The following UBR2 variants were observed in gnomAD, a reference collection of about 807,000 sequenced individuals.
UBR2 encodes the protein E3 ubiquitin-protein ligase UBR2.
UBR2 carries 92 observed loss-of-function variants against 247.9 expected under a neutral mutation model. The ratio of observed to expected loss-of-function variants is 0.37; its 90% confidence interval spans 0.31 to 0.44. The LOEUF is 0.44. Among genes scored for constraint, UBR2 ranks in the 20% least tolerant of loss-of-function variants. The pLI is 1.00. For missense variants in UBR2, 1,613 were observed against 2,112.6 expected, an observed-to-expected ratio of 0.76 and a Z score of 4.64; for synonymous variants, 672 against 693.5, an observed-to-expected ratio of 0.97 and a Z score of 0.49.
At chr6:42,649,070 C>T (rs760603695) in intron 22 of UBR2, among the ~76,000 whole-genome samples, 3 of 152,254 alleles carry the variant, frequency 2.0e-5, no homozygotes, top group Admixed American at 6.5e-5. Context: ...TGCAGTGGCA[C>T]GGTCTTGGCT....
At chr6:42,629,479 C>G (rs1210514499) in intron 11 of UBR2, among the ~76,000 whole-genome samples, 2 of 152,014 alleles carry the variant, frequency 1.3e-5, no homozygotes, top group African/African-American at 2.4e-5. Context: ...CTTGGTGAAA[C>G]CCTGTCTCTA....
chr6:42,652,661 T>C lies in UBR2; in HGVS notation c.2769+16T>C. The C allele has an allele frequency of 6.3e-7, 1 of 1,595,850 alleles. No homozygotes were observed. Among genetic ancestry groups the C allele is most frequent in the East Asian group, 2.3e-5 (1 of 44,192 alleles). ...GCTGCAAAGGGTAGGTTTGAAGACATTTATTATTTATATTTTAGTATTTTA... is the reference window on the plus strand; with the variant it reads ...GCTGCAAAGGGTAGGTTTGAAGACACTTATTATTTATATTTTAGTATTTTA... On this transcript the variant is annotated intron_variant, in intron 25 of 46. Transcript: ENST00000372901.
At chr6:42,610,793 A>G (rs1481335494) in intron 7 of UBR2, among the ~76,000 whole-genome samples, 1 of 152,018 alleles carries the variant, frequency 6.6e-6, no homozygotes, top group African/African-American at 2.4e-5. Context: ...GTACTTAACA[A>G]TACTGAACTG....
intron 2 of UBR2, among the ~76,000 whole-genome samples, chr6:42,587,439 C>T (rs979331585): frequency 6.6e-6 from 1 of 152,068 alleles, no homozygotes; most frequent in African/African-American, 2.4e-5. Flanking sequence ...CTTACTGCAG[C>T]CTTGACCTCC....
At chr6:42,599,189 C>T (rs961263405) in intron 4 of UBR2, among the ~76,000 whole-genome samples, 1 of 152,144 alleles carries the variant, frequency 6.6e-6, no homozygotes, top group Admixed American at 6.5e-5. Flanking sequence ...AATGCTGCTC[C>T]CATCTGTTTG....
Position 42,592,128 on chromosome 6 carries a change from ATTTTTT to A in UBR2, c.339-16_339-11del, listed in dbSNP as rs3834849. ...TATATAGTTATTTTCTGACACTTTGATTTTTTTTTTTTAACTTTACAGAGACTGTGC... is the reference window on the plus strand; with the variant it reads ...TATATAGTTATTTTCTGACACTTTGATTTTTTAACTTTACAGAGACTGTGC... On this transcript the variant is annotated splice_polypyrimidine_tract_variant and intron_variant, in intron 2 of 46. Transcript: ENST00000372901. 1 of 831,522 alleles carries A rather than the reference ATTTTTT, an allele frequency of 1.2e-6. No homozygotes were observed. Among genetic ancestry groups the A allele is most frequent in the Non-Finnish European group, 1.7e-6 (1 of 590,298 alleles). The allele number at this position is 831,522 out of a possible 1,614,324, so 51.5% of individuals were successfully genotyped here. A position where few individuals can be genotyped will look rare whatever the true frequency, so the allele number is the denominator to read the frequency against.
chr6:42,605,694 A>G, intron 5 of UBR2, 27 bp from the exon 6 acceptor site: 1 of 1,585,696 alleles, frequency 6.3e-7, no homozygotes, highest in Non-Finnish European at 8.5e-7. Flanking sequence ...CAAATAGATA[A>G]TATATCATGA....
chr6:42,640,809 A>C (rs1412375771), intron 16 of UBR2, among the ~76,000 whole-genome samples: 3 of 152,006 alleles, frequency 2.0e-5, no homozygotes, highest in Non-Finnish European at 4.4e-5. Context: ...GGCTCACTGC[A>C]ACCTCTACCT....
In UBR2 at chr6:42,682,992, A is replaced by G. The variant is rs944154247; in HGVS notation, c.4719-63A>G. 2.4e-5 allele frequency: 35 copies of G among 1,485,602 alleles called. No individual in the cohort carries two copies. The African/African-American group carries it at 3.6e-4, about 15-fold the overall frequency. 92.0% of individuals were successfully genotyped at this position (1,485,602 alleles called of 1,614,324 possible). A position where few individuals can be genotyped will look rare whatever the true frequency, so the allele number is the denominator to read the frequency against. ...TTCCTCTTATTGGCTATGGAGGGGA[A>G]AAAATTCTAGTTCTAACCCTTTAAA... On this transcript the variant is annotated intron_variant, in intron 42 of 46. Transcript: ENST00000372901.
In UBR2 at chr6:42,617,472, G is replaced by T; in HGVS notation, c.1246G>T (p.Asp416Tyr). 3.9e-6 allele frequency: 6 copies of T among 1,554,338 alleles called. No homozygotes were observed. The highest frequency in any genetic ancestry group is 5.2e-6 in the Non-Finnish European group (6 of 1,148,358). The change falls in exon 11 of 47, where the codon GAC becomes TAC. Residue 416 changes from aspartate to tyrosine, a missense_variant. Asp to Tyr is a radical substitution (Grantham distance 160). This residue lies in a region of UBR2 where 1,524 missense variants were observed against 1,967.3 expected (regional missense o/e 0.77). Coordinates refer to ENST00000372901, the MANE Select transcript of UBR2 (RefSeq NM_001363705.2). ...DDHDREFSVA[D>Y]LSVQIFTVPS... Reference sequence around the variant, plus strand: ...CCACGACAGAGAGTTTTCAGTCGCAGACCTCTCGGTTCAGATATTCACGGT... The same window carrying T: ...CCACGACAGAGAGTTTTCAGTCGCATACCTCTCGGTTCAGATATTCACGGT...
intron 43 of UBR2, 72 bp downstream of exon 43, chr6:42,683,183 C>A: frequency 7.9e-7 from 1 of 1,265,232 alleles, no homozygotes; most frequent in South Asian, 1.3e-5. Context: ...GTGCTATATT[C>A]CTTCAGAAAC....
At chr6:42,572,044 G>A (rs927781518) in intron 1 of UBR2, among the ~76,000 whole-genome samples, 38 of 152,164 alleles carry the variant, frequency 2.5e-4, no homozygotes, top group African/African-American at 7.9e-4. Context: ...TGCTGCTGCT[G>A]CTGTTTTATT....
intron 8 of UBR2, among the ~76,000 whole-genome samples, chr6:42,614,177 CAAAAAAAAAAAAAAA>C (rs1167450076): frequency 8.8e-5 from 1 of 11,392 alleles, no homozygotes; most frequent in Non-Finnish European, 1.5e-4. Context: ...ACTCTGTCTC[CAAAAAAAAAAAAAAA>C]AAAAAAAAAA....
At chr6:42,628,060 A>G (rs1223814032) in intron 11 of UBR2, among the ~76,000 whole-genome samples, 1 of 152,152 alleles carries the variant, frequency 6.6e-6, no homozygotes, top group Non-Finnish European at 1.5e-5. Flanking sequence ...GAATAGACAA[A>G]TGCTGAGGGA....
intron 4 of UBR2, among the ~76,000 whole-genome samples, chr6:42,602,599 A>G (rs1247294076): frequency 2.0e-5 from 3 of 150,430 alleles, no homozygotes. Context: ...CTCCATATAT[A>G]TGTGTTTTTG....
At chr6:42,683,001 A>G in intron 42 of UBR2, 54 bp from the exon 43 acceptor site, 1 of 1,514,708 alleles carries the variant, frequency 6.6e-7, no homozygotes, top group Non-Finnish European at 9.0e-7. Context: ...AAAAAATTCT[A>G]GTTCTAACCC....
intron 42 of UBR2, among the ~76,000 whole-genome samples, chr6:42,681,926 A>G (rs1210175050): frequency 6.6e-6 from 1 of 152,172 alleles, no homozygotes; most frequent in East Asian, 1.9e-4. Context: ...TCTTAAAAGT[A>G]GGCCAGGTGT....
At chr6:42,648,060 G>GC in intron 21 of UBR2, 58 bp from the exon 22 acceptor site, 2 of 1,416,598 alleles carry the variant, frequency 1.4e-6, no homozygotes, top group Non-Finnish European at 2.0e-6. Flanking sequence ...AAAACACAAT[G>GC]CTAAGAGTGC....
chr6:42,607,049 G>A (rs1170304291), intron 7 of UBR2, among the ~76,000 whole-genome samples: 2 of 151,812 alleles, frequency 1.3e-5, no homozygotes, highest in African/African-American at 4.8e-5. Context: ...AGCAAGTAGT[G>A]TATCATCTTT....
Sources: allele counts gnomAD v4.1 joint callset (sites outside exome capture counted in the v4.1 genomes callset), GRCh38; gene constraint gnomAD v4.1.1; regional missense constraint gnomAD v4.1.1; transcripts MANE v1.5; gene names NCBI Gene and HGNC (gene_info 2026-07-23, HGNC 2026-07-21).